ZFHX3: variants seen among roughly 807,000 people sequenced by gnomAD.
ZFHX3 encodes the protein zinc finger homeobox 3.
ZFHX3 carries 42 observed loss-of-function variants against 279.1 expected under a neutral mutation model. The observed-to-expected ratio is 0.15, with a 90% confidence interval of 0.12 to 0.19. The LOEUF (loss-of-function observed/expected upper bound fraction) is 0.19, where lower values mean the gene tolerates loss of function less well. ZFHX3 is among the 10% of genes least tolerant of loss of function. ZFHX3 has a pLI of 1.00. For missense variants in ZFHX3, 4,981 were observed against 4,754.0 expected, an observed-to-expected ratio of 1.05 and a Z score of -1.40; for synonymous variants, 2,293 against 1,957.8, an observed-to-expected ratio of 1.17 and a Z score of -4.52.
intron 1 of ZFHX3, among the ~76,000 whole-genome samples, chr16:73,857,622 G>A (rs1240291477): frequency 6.6e-6 from 1 of 152,170 alleles, no homozygotes; most frequent in East Asian, 1.9e-4. Flanking sequence ...AGTAAACAAG[G>A]CTAACCCCCA....
intron 1 of ZFHX3, among the ~76,000 whole-genome samples, chr16:73,815,276 G>A (rs1340525172): frequency 6.6e-6 from 1 of 152,162 alleles, no homozygotes; most frequent in Non-Finnish European, 1.5e-5. Context: ...AACAGAGTAG[G>A]TGTTCCTTCT....
At chr16:73,733,015 T>C (rs2142251171) in intron 1 of ZFHX3, among the ~76,000 whole-genome samples, 1 of 152,352 alleles carries the variant, frequency 6.6e-6, no homozygotes, top group East Asian at 1.9e-4. Context: ...CAGCAGTTTA[T>C]TTATTTTAAT....
chr16:73,500,167 T>C (rs994605716), intron 2 of ZFHX3: 1 of 152,230 alleles, frequency 6.6e-6, no homozygotes, highest in Non-Finnish European at 1.5e-5. Flanking sequence ...ATTGTTATCA[T>C]AGGAGATGAC....
intron 2 of ZFHX3, among the ~76,000 whole-genome samples, chr16:73,597,725 T>G (rs959712725): frequency 6.6e-6 from 1 of 152,046 alleles, no homozygotes; most frequent in African/African-American, 2.4e-5. Flanking sequence ...GCCTTAGGCT[T>G]TCAGAGGGAG....
At chr16:73,152,184 A>G (rs938515876) in intron 5 of ZFHX3, among the ~76,000 whole-genome samples, 20 of 152,236 alleles carry the variant, frequency 1.3e-4, no homozygotes, top group Non-Finnish European at 7.3e-5. Context: ...ACTCAACTCC[A>G]GTCAGTCATA....
intron 2 of ZFHX3, among the ~76,000 whole-genome samples, chr16:73,640,317 C>T (rs1383361): frequency 0.49 from 74,239 of 151,950 alleles, 21,099 homozygotes; most frequent in East Asian, 0.78. Context: ...CTACAGTAGA[C>T]AAACATACCC....
chr16:73,355,476 G>T (rs1309899944), intron 3 of ZFHX3, among the ~76,000 whole-genome samples: 2 of 152,162 alleles, frequency 1.3e-5, no homozygotes, highest in Non-Finnish European at 2.9e-5. Flanking sequence ...AGGTGCCATG[G>T]AGCTTTTTGG....
In ZFHX3 at chr16:73,026,246, G is replaced by A. The variant is rs191895376; in HGVS notation, c.-50+21506C>T. Among the ~76,000 whole-genome samples the A allele has an allele frequency of 1.7e-4, 23 of 137,214 alleles. No individual in the cohort carries two copies. In the East Asian group the frequency reaches 5.2e-3, roughly 31 times the overall value. The allele number at this position is 137,214 out of a possible 152,430, so 90.0% of individuals were successfully genotyped here. On this transcript the variant is annotated intron_variant, in intron 1 of 9. Coordinates refer to ENST00000268489, the MANE Select transcript of ZFHX3 (RefSeq NM_006885.4). Reference sequence around the variant, plus strand: ...AAGCCAGGTGTGGTGGCAGGCGCCTGTAATCCCAGCAACTTGGGAGGGAGG... The same window carrying A: ...AAGCCAGGTGTGGTGGCAGGCGCCTATAATCCCAGCAACTTGGGAGGGAGG...
At chr16:73,097,399 G>A (rs1966179052) in intron 7 of ZFHX3, among the ~76,000 whole-genome samples, 1 of 151,974 alleles carries the variant, frequency 6.6e-6, no homozygotes, top group African/African-American at 2.4e-5. Context: ...AGTTTGAATA[G>A]GGTTAGCTCT....
Position 73,288,734 on chromosome 16 carries a change from G to A in ZFHX3, c.-1194+29506C>T, listed in dbSNP as rs550675224. Among the ~76,000 whole-genome samples, 3 of 152,202 alleles carry A rather than the reference G, an allele frequency of 2.0e-5. No homozygotes were observed. In the East Asian group the frequency reaches 5.8e-4, roughly 29 times the overall value. On this transcript the variant is annotated intron_variant, in intron 4 of 17. Transcript: ENST00000641206. ...GCCGCTCTACACAAAAGGCGGCTCC[G>A]AGAGCCAAGATTATGTCTTCAGTGC...
At chr16:73,589,799 TTTGGAAC>T (rs1490578866) in intron 2 of ZFHX3, among the ~76,000 whole-genome samples, 1 of 142,302 alleles carries the variant, frequency 7.0e-6, no homozygotes, top group Non-Finnish European at 1.5e-5. Context: ...TGCATTTGAC[TTTGGAAC>T]CTGGTAAAAG....
chr16:73,031,707 A>G (rs1404156842), intron 1 of ZFHX3, among the ~76,000 whole-genome samples: 8 of 152,208 alleles, frequency 5.3e-5, no homozygotes, highest in Non-Finnish European at 1.2e-4. Flanking sequence ...TGGGCCTTGA[A>G]TGCATGAACC....
chr16:73,055,738 G>A (rs564651960), intron 1 of ZFHX3, among the ~76,000 whole-genome samples: 3 of 100,816 alleles, frequency 3.0e-5, no homozygotes, highest in African/African-American at 7.8e-5. Context: ...ACACACACAC[G>A]TCAGGACTGC....
At chr16:73,080,548 T>G (rs1308707087) in intron 8 of ZFHX3, among the ~76,000 whole-genome samples, 1 of 152,196 alleles carries the variant, frequency 6.6e-6, no homozygotes, top group Non-Finnish European at 1.5e-5. Flanking sequence ...GGAATCCACA[T>G]TTTAAACATT....
intron 3 of ZFHX3, among the ~76,000 whole-genome samples, chr16:73,411,217 C>T (rs2017458978): frequency 1.3e-5 from 2 of 152,188 alleles, no homozygotes; most frequent in Admixed American, 6.5e-5. Context: ...ACTTTAGAAC[C>T]TCAGTCCTTG....
At chr16:73,109,326 C>T (rs1269184848) in intron 7 of ZFHX3, among the ~76,000 whole-genome samples, 1 of 152,062 alleles carries the variant, frequency 6.6e-6, no homozygotes, top group Non-Finnish European at 1.5e-5. Flanking sequence ...TCTCAGACAC[C>T]CTTCCATGTC....
intron 1 of ZFHX3, among the ~76,000 whole-genome samples, chr16:73,699,492 C>A (rs901588366): frequency 1.3e-5 from 2 of 152,060 alleles, no homozygotes; most frequent in African/African-American, 4.8e-5. Context: ...AAATTTAGAT[C>A]GCCAAGTTTT....
intron 1 of ZFHX3, among the ~76,000 whole-genome samples, chr16:73,717,983 T>C (rs973633955): frequency 1.3e-5 from 2 of 152,188 alleles, no homozygotes; most frequent in Non-Finnish European, 2.9e-5. Flanking sequence ...TGTGGTGATG[T>C]TTTGTTCCAA....
chr16:73,569,989 G>A (rs918972466), intron 2 of ZFHX3, among the ~76,000 whole-genome samples: 11 of 152,214 alleles, frequency 7.2e-5, no homozygotes, highest in Non-Finnish European at 1.5e-4. Context: ...TGCCGAGGCA[G>A]TTTCCCAAGC....
Sources: gnomAD v4.1 joint callset for allele counts (sites outside exome capture counted in the v4.1 genomes callset) on GRCh38, gnomAD v4.1.1 for gene constraint, MANE v1.5 for transcripts, NCBI Gene and HGNC (gene_info 2026-07-23, HGNC 2026-07-21) for gene names.